The following CBFA2T3 variants were observed in gnomAD, a reference collection of about 807,000 sequenced individuals.
CBFA2T3 encodes CBFA2/RUNX1 partner transcriptional co-repressor 3, also known as transcriptional corepressor CBFA2T3.
Under a neutral mutation model 58.6 loss-of-function variants are expected in CBFA2T3, and 31 were observed. The ratio of observed to expected loss-of-function variants is 0.53; its 90% CI spans 0.40 to 0.71. CBFA2T3 has a LOEUF of 0.71. Ranked by LOEUF, CBFA2T3 falls within the 30% of genes least tolerant of loss-of-function variation. The pLI, the probability that CBFA2T3 is intolerant of heterozygous loss-of-function variation, is 0.00. For synonymous variants in CBFA2T3, 531 were observed against 421.9 expected, an observed-to-expected ratio of 1.26 and a Z score of -3.17; for missense variants, 1,076 against 963.1, an observed-to-expected ratio of 1.12 and a Z score of -1.55.
At chr16:88,924,357 T>A (rs964082839) in intron 1 of CBFA2T3, among the ~76,000 whole-genome samples, 1 of 152,090 alleles carries the variant, frequency 6.6e-6, no homozygotes, top group Non-Finnish European at 1.5e-5. Flanking sequence ...CCTGCCTCCC[T>A]GGGGCCGCCG....
At position 88,958,701 on chromosome 16, in the gene CBFA2T3, C is replaced by T. The variant is rs569878989; in HGVS notation, c.151+17956G>A. ...CTCCCCCAGGGCCGGGGGCTGGGGG[C>T]CTCGGTGTGGCCTTTGGAAGGAGAT... On this transcript the variant is annotated intron_variant, in intron 1 of 11. Transcript: ENST00000268679. The surrounding 1 kb of genome is among the most constrained non-coding windows in gnomAD (Gnocchi z 4.0). 1.3e-5 allele frequency among the ~76,000 whole-genome samples: 2 copies of T among 151,906 alleles called. No homozygotes were observed. The highest frequency in any genetic ancestry group is 3.9e-4 in the East Asian group (2 of 5,128).
chr16:88,911,036 C>T (rs374549424), intron 1 of CBFA2T3, among the ~76,000 whole-genome samples: 44 of 152,336 alleles, frequency 2.9e-4, no homozygotes, highest in African/African-American at 9.6e-4. Flanking sequence ...CATATAAACA[C>T]GGGGAGCAGT....
Position 88,953,728 on chromosome 16 carries a change from G to A in CBFA2T3, c.151+22929C>T, listed in dbSNP as rs886273821. On this transcript the variant is annotated intron_variant, in intron 1 of 11. Coordinates refer to ENST00000268679, the MANE Select transcript of CBFA2T3 (RefSeq NM_005187.6). The surrounding 1 kb of genome is among the most constrained non-coding windows in gnomAD (Gnocchi z 4.9). ...GAGACCCTTATGTCTGCCTATTGAA[G>A]GCACAGTTTACTCCCGGGAAAATAA... Among the ~76,000 whole-genome samples the A allele has an allele frequency of 2.6e-5, 4 of 152,202 alleles. No homozygotes were observed. The highest frequency in any genetic ancestry group is 1.3e-4 in the Admixed American group (2 of 15,290).
At chr16:88,963,812 G>A (rs1192303165) in intron 1 of CBFA2T3, among the ~76,000 whole-genome samples, 3 of 152,220 alleles carry the variant, frequency 2.0e-5, no homozygotes, top group African/African-American at 4.8e-5. Context: ...AGGGTTCTGC[G>A]GGATCCTGGA....
intron 1 of CBFA2T3, among the ~76,000 whole-genome samples, chr16:88,918,097 C>A (rs1439839528): frequency 6.6e-6 from 1 of 152,164 alleles, no homozygotes; most frequent in African/African-American, 2.4e-5. Context: ...CAGGAAGTGG[C>A]CCCCATGGAG....
rs1393631786 is a variant in CBFA2T3, at chr16:88,886,063, T to C, written c.791A>G (p.Gln264Arg). The C allele has an allele frequency of 6.9e-6, 11 of 1,590,404 alleles. No homozygotes were observed. The highest frequency in any genetic ancestry group is 8.5e-6 in the Non-Finnish European group (10 of 1,173,528). The change falls in exon 6 of 12, where the codon CAG becomes CGG. Residue 264 changes from glutamine (Q) to arginine (R), a missense_variant. By Grantham distance (43) the Gln-to-Arg change is conservative. Transcript: ENST00000268679. ...AKQTPAQYLA[Q>R]HEQLLLDASA... ...GGCGTCCAGCAGGAGCTGCTCATGCTGGGCCAAGTACTGGGCGGGCGTCTG... is the reference window on the plus strand; with the variant it reads ...GGCGTCCAGCAGGAGCTGCTCATGCCGGGCCAAGTACTGGGCGGGCGTCTG...
intron 1 of CBFA2T3, among the ~76,000 whole-genome samples, chr16:88,967,795 C>G (rs1352403658): frequency 6.6e-6 from 1 of 152,202 alleles, no homozygotes; most frequent in African/African-American, 2.4e-5. Flanking sequence ...CTCACACTGC[C>G]CCTTCCTGTC....
intron 1 of CBFA2T3, among the ~76,000 whole-genome samples, chr16:88,926,198 G>C (rs955659657): frequency 6.6e-6 from 1 of 152,222 alleles, no homozygotes; most frequent in African/African-American, 2.4e-5. Flanking sequence ...ACTGGCTTCT[G>C]GGGCCGGGCT....
chr16:88,936,846 G>C (rs1046719771), intron 1 of CBFA2T3: 16 of 152,424 alleles, frequency 1.0e-4, no homozygotes, highest in African/African-American at 3.4e-4. Context: ...GGATCCCGGC[G>C]GGTCCTGAGT....
intron 2 of CBFA2T3, among the ~76,000 whole-genome samples, chr16:88,901,202 G>A (rs946746068): frequency 3.3e-5 from 5 of 152,232 alleles, no homozygotes; most frequent in African/African-American, 1.2e-4. Context: ...CCCATGGCCG[G>A]CCCTGGTGAA....
Position 88,922,493 on chromosome 16 carries a change from G to A in CBFA2T3, c.152-20837C>T, listed in dbSNP as rs189864652. 9.1e-4 allele frequency among the ~76,000 whole-genome samples: 139 copies of A among 152,360 alleles called. 3 individuals are homozygous for A. The highest frequency in any genetic ancestry group is 1.2e-4 in the Non-Finnish European group (8 of 68,028). ...GAGCATTAGATCCTGTCTGCCCTTT[G>A]CAGCACAGAGGAGGCAGGACCTGAG... is the stretch of plus-strand genomic sequence containing the variant. On this transcript the variant is annotated intron_variant, in intron 1 of 11. Transcript: ENST00000268679.
Position 88,958,138 on chromosome 16 carries a change from G to A in CBFA2T3, c.151+18519C>T, listed in dbSNP as rs147743177. 1.2e-3 allele frequency among the ~76,000 whole-genome samples: 180 copies of A among 152,288 alleles called. No homozygotes were observed. The East Asian group carries it at 0.015, about 13-fold the overall frequency. ...CAGTAGCGGGATGGGTGTCAAGGCC[G>A]TGCACACCCACGAGGCCGTAGGAAG... On this transcript the variant is annotated intron_variant, in intron 1 of 11. Transcript: ENST00000268679. This position sits in a 1 kb window ranked among gnomAD's most constrained non-coding sequence, Gnocchi z 4.0.
intron 1 of CBFA2T3, among the ~76,000 whole-genome samples, chr16:88,944,103 C>T (rs1252223684): frequency 6.6e-6 from 1 of 152,006 alleles, no homozygotes; most frequent in Non-Finnish European, 1.5e-5. Context: ...TTTGGGAGGC[C>T]GAGGCCGGCG....
chr16:88,936,615 C>CAG (rs1407337804), intron 1 of CBFA2T3, among the ~76,000 whole-genome samples: 1 of 152,232 alleles, frequency 6.6e-6, no homozygotes, highest in Non-Finnish European at 1.5e-5. Context: ...GCGGGAAACG[C>CAG]AGAGGCAGGC....
intron 1 of CBFA2T3, among the ~76,000 whole-genome samples, chr16:88,906,776 G>C (rs1289670309): frequency 1.3e-5 from 2 of 152,276 alleles, no homozygotes; most frequent in Admixed American, 6.5e-5. Context: ...ACTTGTTCTG[G>C]GTCTCAGAGC....
chr16:88,876,432 C>G lies in CBFA2T3; in HGVS notation c.*544G>C, dbSNP rs1371244882. The G allele has an allele frequency of 2.6e-5, 6 of 230,688 alleles. No homozygotes were observed. The highest frequency in any genetic ancestry group is 1.3e-4 in the African/African-American group (6 of 45,246). The allele number at this position is 230,688 out of a possible 1,614,324, so 14.3% of individuals were successfully genotyped here. On this transcript the variant is annotated 3_prime_UTR_variant, in exon 12 of 12. Transcript: ENST00000268679. ...CAGCTATAAAATCGCAGTTTTCTTT[C>G]TCCCTTTTTAATCAGGAGGGGGAGA...
In CBFA2T3 at chr16:88,958,284, C is replaced by A. The variant is rs933612371; in HGVS notation, c.151+18373G>T. On this transcript the variant is annotated intron_variant, in intron 1 of 11. Coordinates refer to ENST00000268679, the MANE Select transcript of CBFA2T3 (RefSeq NM_005187.6). This position sits in a 1 kb window ranked among gnomAD's most constrained non-coding sequence, Gnocchi z 4.0. ...AAGCTCCCAGGGAAGCTTTGAGCTT[C>A]CTCAAAAAGCTATTTTGAGCCTAAA... Among the ~76,000 whole-genome samples the A allele has an allele frequency of 6.6e-6, 1 of 151,558 alleles. No individual in the cohort carries two copies. The highest frequency in any genetic ancestry group is 1.9e-4 in the East Asian group (1 of 5,178).
At chr16:88,898,537 G>A (rs528930944) in intron 2 of CBFA2T3, among the ~76,000 whole-genome samples, 6 of 152,218 alleles carry the variant, frequency 3.9e-5, no homozygotes, top group East Asian at 1.9e-4. Flanking sequence ...TACAAGAACC[G>A]CGGCTTCTCT....
At chr16:88,912,836 G>A (rs962561064) in intron 1 of CBFA2T3, among the ~76,000 whole-genome samples, 1 of 152,240 alleles carries the variant, frequency 6.6e-6, no homozygotes, top group Non-Finnish European at 1.5e-5. Flanking sequence ...CCCCTCTGCC[G>A]TGTGAGCCCA....
Sources: allele counts gnomAD v4.1 joint callset (sites outside exome capture counted in the v4.1 genomes callset), GRCh38; gene constraint gnomAD v4.1.1; non-coding constraint Gnocchi (gnomAD v3.1); transcripts MANE v1.5; gene names NCBI Gene and HGNC (gene_info 2026-07-23, HGNC 2026-07-21).